The following SCN8A variants were observed in gnomAD, a reference collection of about 807,000 sequenced individuals.
SCN8A encodes sodium voltage-gated channel alpha subunit 8, also known as sodium channel protein type 8 subunit alpha.
SCN8A carries 30 observed loss-of-function variants against 184.1 expected under a neutral mutation model. The ratio of observed to expected loss-of-function variants is 0.16; its 90% CI spans 0.12 to 0.22. SCN8A has a LOEUF of 0.22. Ranked by LOEUF, SCN8A falls within the 10% of genes least tolerant of loss-of-function variation. SCN8A has a pLI of 1.00. For missense variants in SCN8A, 1,057 were observed against 2,498.9 expected, an observed-to-expected ratio of 0.42 and a Z score of 12.30; for synonymous variants, 852 against 907.0, an observed-to-expected ratio of 0.94 and a Z score of 1.09.
At position 51,687,091 on chromosome 12, in the gene SCN8A, G is replaced by A. The variant is rs1347330578; in HGVS notation, c.486G>A (p.Glu162=). 3 of 1,613,046 alleles carry A rather than the reference G, an allele frequency of 1.9e-6. No homozygotes were observed. Among genetic ancestry groups the A allele is most frequent in the East Asian group, 2.2e-5 (1 of 44,878 alleles). The change falls in exon 5 of 27, where the codon GAG becomes GAA. Residue 162 remains glutamate, a splice_region_variant and synonymous_variant. Transcript: ENST00000627620. ...SNPPDWSKNV[E]YTFTGIYTFE... ...CTCAAGCTATTCATTTCTTTGACAGGTACACGTTCACAGGGATTTATACAT... is the reference window on the plus strand; with the variant it reads ...CTCAAGCTATTCATTTCTTTGACAGATACACGTTCACAGGGATTTATACAT...
chr12:51,667,460 C>T (rs1941054537), intron 2 of SCN8A, among the ~76,000 whole-genome samples: 1 of 151,812 alleles, frequency 6.6e-6, no homozygotes, highest in Non-Finnish European at 1.5e-5. Flanking sequence ...TCCTGGGCAA[C>T]CTCCATCTCT....
chr12:51,761,346 T>C (rs1942759313), intron 14 of SCN8A, among the ~76,000 whole-genome samples: 2 of 152,132 alleles, frequency 1.3e-5, no homozygotes, highest in African/African-American at 4.8e-5. Flanking sequence ...TATTATGTCA[T>C]TGATTATCCT....
intron 8 of SCN8A, among the ~76,000 whole-genome samples, chr12:51,701,955 A>G (rs1483593820): frequency 1.3e-5 from 2 of 152,152 alleles, no homozygotes; most frequent in African/African-American, 4.8e-5. Context: ...AGCAGGAGAA[A>G]TGGTGTAACT....
intron 9 of SCN8A, 141 bp downstream of exon 9, chr12:51,703,055 T>C: frequency 1.2e-6 from 1 of 814,210 alleles, no homozygotes; most frequent in Non-Finnish European, 1.8e-6. Flanking sequence ...TGGTTTTTGA[T>C]ATTAAGTGAA....
intron 19 of SCN8A, 53 bp from the exon 20 acceptor site, chr12:51,774,136 G>A: frequency 3.2e-6 from 5 of 1,577,266 alleles, no homozygotes; most frequent in Middle Eastern, 1.7e-4. Flanking sequence ...AGTGCTCCCT[G>A]TGGCCTGCTT....
At position 51,795,434 on chromosome 12, in the gene SCN8A, G is replaced by A. The variant is rs183233552; in HGVS notation, c.4795+793G>A. On this transcript the variant is annotated intron_variant, in intron 26 of 26. Transcript: ENST00000627620. Reference sequence around the variant, plus strand: ...TGATAAAACTCAGCCTTGTTTCCAGGTAAGTTTGACTCATTTACACTAGAG... The same window carrying A: ...TGATAAAACTCAGCCTTGTTTCCAGATAAGTTTGACTCATTTACACTAGAG... Among the ~76,000 whole-genome samples, 170 of 152,282 alleles carry A rather than the reference G, an allele frequency of 1.1e-3. 1 individual carries two copies. Among genetic ancestry groups the A allele is most frequent in the Non-Finnish European group, 4.7e-4 (32 of 68,018 alleles).
In SCN8A at chr12:51,807,685, A is replaced by G. The variant is rs878933991; in HGVS notation, c.*256A>G. On this transcript the variant is annotated 3_prime_UTR_variant, in exon 27 of 27. Transcript: ENST00000627620. The surrounding 1 kb of genome is among the most constrained non-coding windows in gnomAD (Gnocchi z 4.5). ...GTTACTGCATGTTCCACATCAGTCA[A>G]TGCAACTTAGGACAAAACTAACCAG... 78 of 527,864 alleles carry G rather than the reference A, an allele frequency of 1.5e-4. No individual in the cohort carries two copies. The highest frequency in any genetic ancestry group is 8.0e-4 in the South Asian group (34 of 42,554). 32.7% of individuals were successfully genotyped at this position (527,864 alleles called of 1,614,324 possible). A position where few individuals can be genotyped will look rare whatever the true frequency, so the allele number is the denominator to read the frequency against.
chr12:51,604,662 G>A (rs2138564564), intron 1 of SCN8A, among the ~76,000 whole-genome samples: 1 of 152,168 alleles, frequency 6.6e-6, no homozygotes. Flanking sequence ...GAAGTAGCTG[G>A]GATTACAGGC....
At chr12:51,774,392 C>T (rs746865957) in intron 20 of SCN8A, 30 bp downstream of exon 20, 2 of 1,568,070 alleles carry the variant, frequency 1.3e-6, no homozygotes, top group Non-Finnish European at 1.7e-6. Context: ...TTTCCCACCC[C>T]TTCCAGCAGG....
At chr12:51,752,195 G>A (rs1942606143) in intron 14 of SCN8A, among the ~76,000 whole-genome samples, 1 of 152,158 alleles carries the variant, frequency 6.6e-6, no homozygotes, top group Non-Finnish European at 1.5e-5. Context: ...TGTGATTTGA[G>A]GATTATGTGC....
intron 14 of SCN8A, among the ~76,000 whole-genome samples, chr12:51,752,609 G>A (rs147992734): frequency 2.0e-4 from 31 of 152,262 alleles, no homozygotes; most frequent in Non-Finnish European, 4.6e-4. Context: ...CATGTCTGTG[G>A]TTGGTGACAT....
At chr12:51,659,867 A>G (rs1940894090) in intron 1 of SCN8A, among the ~76,000 whole-genome samples, 1 of 152,232 alleles carries the variant, frequency 6.6e-6, no homozygotes, top group Non-Finnish European at 1.5e-5. Flanking sequence ...TGGTCCAGAA[A>G]TAAGAAAGCC....
In SCN8A at chr12:51,626,591, C is replaced by A. The variant is rs150371183; in HGVS notation, c.-55+35232C>A. ...CATTTATTGAATATCTACCATGCAC[C>A]AGGAACTTGCTAGTCTTTGAAGATT... is the stretch of plus-strand genomic sequence containing the variant. On this transcript the variant is annotated intron_variant, in intron 1 of 26. Coordinates refer to ENST00000627620, the MANE Select transcript of SCN8A (RefSeq NM_001330260.2). Among the ~76,000 whole-genome samples the A allele has an allele frequency of 6.8e-4, 104 of 152,126 alleles. 1 individual carries two copies. The highest frequency in any genetic ancestry group is 2.4e-3 in the African/African-American group (99 of 41,488).
At chr12:51,746,600 A>C (rs1285265739) in intron 13 of SCN8A, among the ~76,000 whole-genome samples, 1 of 152,186 alleles carries the variant, frequency 6.6e-6, no homozygotes, top group Non-Finnish European at 1.5e-5. Context: ...TCTTACTTTG[A>C]GTGCTCCATG....
In SCN8A at chr12:51,721,554, C is replaced by T. The variant is rs1289888622; in HGVS notation, c.1644C>T (p.Leu548=). The change falls in exon 12 of 27, where the codon CTC becomes CTT. Residue 548 remains leucine (L), a synonymous_variant. Coordinates refer to ENST00000627620, the MANE Select transcript of SCN8A (RefSeq NM_001330260.2). ...CCTGTCTGCCCCTGCAGTCACTGCT[C>T]AGCATCCCAGGCTCGCCCTTCCTCT... is the stretch of plus-strand genomic sequence containing the variant. ...RKFSIMNQSL[L]SIPGSPFLSR... The T allele has an allele frequency of 6.2e-6, 10 of 1,602,644 alleles. No individual in the cohort carries two copies. The highest frequency in any genetic ancestry group is 1.1e-5 in the South Asian group (1 of 88,526).
chr12:51,661,139 T>A (rs1940916733), intron 1 of SCN8A, among the ~76,000 whole-genome samples: 1 of 152,222 alleles, frequency 6.6e-6, no homozygotes, highest in African/African-American at 2.4e-5. Flanking sequence ...ATTTTTATCC[T>A]GGCCCTGTGA....
chr12:51,658,696 A>C (rs1013216306), intron 1 of SCN8A, among the ~76,000 whole-genome samples: 1 of 152,170 alleles, frequency 6.6e-6, no homozygotes, highest in Non-Finnish European at 1.5e-5. Flanking sequence ...GAATGGAGAG[A>C]AACTGCTTAT....
intron 2 of SCN8A, among the ~76,000 whole-genome samples, chr12:51,683,914 A>G (rs572617628): frequency 6.6e-6 from 1 of 152,298 alleles, no homozygotes; most frequent in Non-Finnish European, 1.5e-5. Flanking sequence ...GTATGATTCA[A>G]ATGGCCTGTT....
At chr12:51,661,894 G>A (rs1940931943) in intron 1 of SCN8A, among the ~76,000 whole-genome samples, 1 of 152,166 alleles carries the variant, frequency 6.6e-6, no homozygotes, top group Non-Finnish European at 1.5e-5. Context: ...GAAATCATTG[G>A]CTCTCATAAG....
Sources: allele counts gnomAD v4.1 joint callset (sites outside exome capture counted in the v4.1 genomes callset), GRCh38; gene constraint gnomAD v4.1.1; non-coding constraint Gnocchi (gnomAD v3.1); transcripts MANE v1.5; gene names NCBI Gene and HGNC (gene_info 2026-07-23, HGNC 2026-07-21).